HERC1: variants seen among roughly 807,000 people sequenced by gnomAD.
The protein encoded by HERC1 is probable E3 ubiquitin-protein ligase HERC1.
A neutral mutation model predicts 554.3 loss-of-function variants in HERC1; 160 were observed. The ratio of observed to expected loss-of-function variants is 0.29; its 90% CI spans 0.25 to 0.33. The LOEUF (loss-of-function observed/expected upper bound fraction) is 0.33. Among genes scored for constraint, HERC1 ranks in the 10% least tolerant of loss-of-function variants. HERC1 has a pLI of 1.00. For missense variants in HERC1, 4,919 were observed against 5,918.5 expected (o/e 0.83, Z 5.54); for synonymous variants, 2,175 against 2,131.7 (o/e 1.02, Z -0.56).
chr15:63,822,313 C>T (rs926254961), intron 1 of HERC1, among the ~76,000 whole-genome samples: 1 of 152,128 alleles, frequency 6.6e-6, no homozygotes, highest in Non-Finnish European at 1.5e-5. Context: ...TAGCCAGGTG[C>T]TGTGGCTCAC....
intron 1 of HERC1, among the ~76,000 whole-genome samples, chr15:63,825,176 GCA>G (rs967156465): frequency 1.2e-4 from 19 of 152,058 alleles, no homozygotes; most frequent in African/African-American, 4.6e-4. Flanking sequence ...AGGTGTGGCA[GCA>G]CACACCCAGC....
intron 12 of HERC1, among the ~76,000 whole-genome samples, chr15:63,739,075 G>C (rs1395952302): frequency 6.7e-6 from 1 of 149,514 alleles, no homozygotes; most frequent in Non-Finnish European, 1.5e-5. Context: ...ATTCAGAGTT[G>C]TGCAACCATC....
intron 1 of HERC1, among the ~76,000 whole-genome samples, chr15:63,804,847 C>T (rs1441499378): frequency 2.0e-5 from 3 of 152,104 alleles, no homozygotes; most frequent in Non-Finnish European, 2.9e-5. Context: ...TGTTCAACAC[C>T]ATTAGTCAGT....
chr15:63,716,507 A>AT (rs780983192), intron 21 of HERC1, 34 bp from the exon 22 acceptor site: 3 of 1,504,436 alleles, frequency 2.0e-6, no homozygotes, highest in South Asian at 1.3e-5. Context: ...CACTAAATAC[A>AT]TTTTTTCCAA....
intron 43 of HERC1, 123 bp downstream of exon 43, chr15:63,664,347 G>A (rs1197153146): frequency 1.3e-6 from 1 of 761,358 alleles, no homozygotes; most frequent in Admixed American, 2.6e-5. Flanking sequence ...CCAAATAGCT[G>A]TTCTGTTAAT....
chr15:63,814,847 C>T (rs890130556), intron 1 of HERC1, among the ~76,000 whole-genome samples: 2 of 152,268 alleles, frequency 1.3e-5, no homozygotes, highest in South Asian at 2.1e-4. Flanking sequence ...TACCTGTCTA[C>T]GTCTCAAAAT....
chr15:63,678,622 T>C (rs570343616), intron 36 of HERC1, among the ~76,000 whole-genome samples: 3 of 152,118 alleles, frequency 2.0e-5, no homozygotes, highest in Admixed American at 2.0e-4. Context: ...TTAGGAAAAT[T>C]TGAAAGATGA....
intron 25 of HERC1, among the ~76,000 whole-genome samples, chr15:63,699,950 C>T (rs1199175744): frequency 6.6e-6 from 1 of 152,004 alleles, no homozygotes; most frequent in Non-Finnish European, 1.5e-5. Flanking sequence ...ATCATTGGTC[C>T]ATGCATGGCC....
intron 76 of HERC1, among the ~76,000 whole-genome samples, chr15:63,613,951 C>T (rs943091891): frequency 3.3e-5 from 5 of 152,148 alleles, no homozygotes; most frequent in African/African-American, 1.2e-4. Flanking sequence ...AAAACAAAAA[C>T]GAACAAGCTG....
chr15:63,640,506 C>T, intron 60 of HERC1, 61 bp from the exon 61 acceptor site: 1 of 1,327,188 alleles, frequency 7.5e-7, no homozygotes. Context: ...TCTAAATTAA[C>T]CTACCGTAGT....
intron 42 of HERC1, among the ~76,000 whole-genome samples, chr15:63,665,407 C>T (rs2070572780): frequency 6.6e-6 from 1 of 152,134 alleles, no homozygotes; most frequent in African/African-American, 2.4e-5. Flanking sequence ...GTGGCACATG[C>T]CTATAGTCCC....
chr15:63,694,983 T>G lies in HERC1; in HGVS notation c.5122-89A>C. 14 of 1,161,842 alleles carry G rather than the reference T, an allele frequency of 1.2e-5. No homozygotes were observed. Among genetic ancestry groups the G allele is most frequent in the Non-Finnish European group, 1.5e-5 (13 of 839,512 alleles). The allele number at this position is 1,161,842 out of a possible 1,614,324, so 72.0% of individuals were successfully genotyped here. ...GTAATAACATTTTATTTCTAGTCTATGCTAGAGCCTTACGATGGTTTTTAA... is the reference window on the plus strand; with the variant it reads ...GTAATAACATTTTATTTCTAGTCTAGGCTAGAGCCTTACGATGGTTTTTAA... On this transcript the variant is annotated intron_variant, in intron 27 of 77. Transcript: ENST00000443617. This position sits in a 1 kb window ranked among gnomAD's most constrained non-coding sequence, Gnocchi z 4.3.
intron 19 of HERC1, among the ~76,000 whole-genome samples, chr15:63,721,440 C>G (rs1232229891): frequency 2.6e-5 from 4 of 152,004 alleles, no homozygotes; most frequent in Non-Finnish European, 4.4e-5. Flanking sequence ...GCAGGAGAAT[C>G]GTTTGAACTC....
chr15:63,614,989 G>T (rs1455905953), intron 76 of HERC1, among the ~76,000 whole-genome samples: 1 of 152,226 alleles, frequency 6.6e-6, no homozygotes, highest in Non-Finnish European at 1.5e-5. Flanking sequence ...AAGCTTGTGT[G>T]TGCAGGAGAT....
In HERC1 at chr15:63,704,824, C is replaced by T. The variant is rs374630578; in HGVS notation, c.4636+1956G>A. ...TGCGATCTCGGCTCACTGCAAGCTC[C>T]GCTTCCTGGGTTCACACCATTCTCC... On this transcript the variant is annotated intron_variant, in intron 25 of 77. Coordinates refer to ENST00000443617, the MANE Select transcript of HERC1 (RefSeq NM_003922.4). Among the ~76,000 whole-genome samples the T allele has an allele frequency of 7.3e-5, 11 of 150,288 alleles. No homozygotes were observed. The South Asian group carries it at 8.4e-4, about 12-fold the overall frequency.
intron 1 of HERC1, among the ~76,000 whole-genome samples, chr15:63,819,668 C>T (rs567681081): frequency 2.0e-5 from 3 of 152,260 alleles, no homozygotes; most frequent in East Asian, 1.9e-4. Flanking sequence ...TCTAAAGTTC[C>T]GTCTCATTGT....
At chr15:63,779,462 T>A (rs12442834) in intron 1 of HERC1, 3 of 152,112 alleles carry the variant, frequency 2.0e-5, no homozygotes, top group African/African-American at 7.2e-5. Context: ...CTACAGGAGA[T>A]GCAAGGAAAC....
chr15:63,660,002 G>A, intron 46 of HERC1, 66 bp from the exon 47 acceptor site: 1 of 1,279,040 alleles, frequency 7.8e-7, no homozygotes, highest in East Asian at 2.5e-5. Flanking sequence ...GCTGGCAATG[G>A]TTGTTCTGAA....
rs1333923147 is a variant in HERC1 at position 63,712,912 on chromosome 15, A to G, written c.4464-17T>C. 24 of 1,595,502 alleles carry G rather than the reference A, an allele frequency of 1.5e-5. No individual in the cohort carries two copies. The highest frequency in any genetic ancestry group is 1.8e-5 in the Admixed American group (1 of 56,878). On this transcript the variant is annotated splice_polypyrimidine_tract_variant and intron_variant, in intron 23 of 77. Transcript: ENST00000443617. ...CTTTCACTCCTGTCTCACATGTACAAAAAAAAAAGTTTTTTGATTTAGGAC... is the reference window on the plus strand; with the variant it reads ...CTTTCACTCCTGTCTCACATGTACAGAAAAAAAAGTTTTTTGATTTAGGAC...
Sources: gnomAD v4.1 joint callset for allele counts (sites outside exome capture counted in the v4.1 genomes callset) on GRCh38, gnomAD v4.1.1 for gene constraint, Gnocchi (gnomAD v3.1) non-coding constraint, MANE v1.5 for transcripts, NCBI Gene and HGNC (gene_info 2026-07-23, HGNC 2026-07-21) for gene names.